The following GLB1 variants were observed in gnomAD, a reference collection of about 807,000 sequenced individuals.
The protein encoded by GLB1 is galactosidase beta 1.
Under a neutral mutation model 74.0 loss-of-function variants are expected in GLB1, and 56 were observed. That is an observed-to-expected ratio of 0.76 (90% CI 0.61 to 0.94). The LOEUF is 0.94. GLB1 is among the 40% of genes least tolerant of loss of function. GLB1 has a pLI of 0.00. For missense variants in GLB1, 787 were observed against 845.5 expected (o/e 0.93, Z 0.86); for synonymous variants, 323 against 323.6 (o/e 1.00, Z 0.02).
rs1189111274 is a variant in GLB1 at position 33,065,295 on chromosome 3, A to C, written c.552+168T>G. On this transcript the variant is annotated intron_variant, in intron 5 of 15. Transcript: ENST00000307363. ...GCCTGCCACATAGCAGGCATTCAAA[A>C]ATGGCAATGCCTTCCCAAATGCAAT... Among the ~76,000 whole-genome samples, 4 of 152,164 alleles carry C rather than the reference A, an allele frequency of 2.6e-5. No individual in the cohort carries two copies. In the East Asian group the frequency reaches 7.7e-4, roughly 29 times the overall value.
At position 32,997,422 on chromosome 3, in the gene GLB1, G is replaced by A. The variant is rs1455746880; in HGVS notation, c.1735-78C>T. The A allele has an allele frequency of 1.4e-5, 23 of 1,588,792 alleles. No individual in the cohort carries two copies. In the Admixed American group the frequency reaches 3.6e-4, roughly 25 times the overall value. On this transcript the variant is annotated intron_variant, in intron 15 of 15. Coordinates refer to ENST00000307363, the MANE Select transcript of GLB1 (RefSeq NM_000404.4). The stretch of plus-strand genomic sequence containing the variant: ...AGGAAGGTGGGGGCCCTGATGTAGG[G>A]CAGGCCAGCAGCAATGGAGGAAAGA...
At position 33,068,246 on chromosome 3, in the gene GLB1, G is replaced by T; in HGVS notation, c.441C>A (p.Leu147=). ...AWLLEKESIL[L]RSSDPDYLAA... ...ACAACCTACCTGGGTCGGAGGAGCG[G>T]AGAAGAATAGACTCTTTCTCTAGCA... The change falls in exon 4 of 16, where the codon CTC becomes CTA. Residue 147 remains leucine, a synonymous_variant. Transcript: ENST00000307363. The T allele has an allele frequency of 6.2e-7, 1 of 1,614,008 alleles. No homozygotes were observed. Among genetic ancestry groups the T allele is most frequent in the East Asian group, 2.2e-5 (1 of 44,874 alleles).
the GLB1 span, among the ~76,000 whole-genome samples, chr3:32,988,353 C>G: frequency 7.9e-5 from 12 of 152,050 alleles, no homozygotes; most frequent in African/African-American, 2.9e-4. Flanking sequence ...AGAGTTGGGA[C>G]CAACGTGTTG....
chr3:33,059,093 TGAA>T (rs1206260522), intron 5 of GLB1, among the ~76,000 whole-genome samples: 2 of 152,272 alleles, frequency 1.3e-5, no homozygotes, highest in East Asian at 3.9e-4. Context: ...AGCCCCACAA[TGAA>T]GAATTATCAG....
At chr3:33,050,876 T>C (rs1698946928) in intron 9 of GLB1, among the ~76,000 whole-genome samples, 1 of 152,222 alleles carries the variant, frequency 6.6e-6, no homozygotes, top group Non-Finnish European at 1.5e-5. Context: ...GACTGAAGCC[T>C]GCCCAACTAC....
At chr3:33,056,088 C>T (rs1389784404) in intron 6 of GLB1, among the ~76,000 whole-genome samples, 5 of 151,482 alleles carry the variant, frequency 3.3e-5, no homozygotes, top group Non-Finnish European at 5.9e-5. Context: ...ATTAGCCAGG[C>T]GTGGTGGCAG....
the GLB1 span, among the ~76,000 whole-genome samples, chr3:32,990,900 G>C: frequency 1.3e-5 from 2 of 152,136 alleles, no homozygotes; most frequent in South Asian, 4.1e-4. Flanking sequence ...CGTGAACCCG[G>C]GAGGTGGAGC....
Position 32,997,352 on chromosome 3 carries a change from G to C in GLB1, c.1735-8C>G, listed in dbSNP as rs772741040. 6 of 1,612,320 alleles carry C rather than the reference G, an allele frequency of 3.7e-6. No homozygotes were observed. The highest frequency in any genetic ancestry group is 4.2e-6 in the Non-Finnish European group (5 of 1,179,872). On this transcript the variant is annotated splice_region_variant and splice_polypyrimidine_tract_variant and intron_variant, in intron 15 of 15. Coordinates refer to ENST00000307363, the MANE Select transcript of GLB1 (RefSeq NM_000404.4). ...ATTAATCCAGACCTGGCCCTGGAGAGAGAGAGACAGAGAACCATCAACCCC... is the reference window on the plus strand; with the variant it reads ...ATTAATCCAGACCTGGCCCTGGAGACAGAGAGACAGAGAACCATCAACCCC...
chr3:32,974,350 G>A, the GLB1 span, among the ~76,000 whole-genome samples: 1 of 152,092 alleles, frequency 6.6e-6, no homozygotes, highest in East Asian at 1.9e-4. Context: ...CCAGGAAGGG[G>A]AAGAAGCTAA....
chr3:33,089,103 C>T (rs1700646432), intron 1 of GLB1, among the ~76,000 whole-genome samples: 1 of 152,138 alleles, frequency 6.6e-6, no homozygotes, highest in Admixed American at 6.5e-5. Flanking sequence ...AAGTTGGACC[C>T]TTATCTTATA....
intron 1 of GLB1, among the ~76,000 whole-genome samples, chr3:33,089,079 C>T (rs1700645561): frequency 6.6e-6 from 1 of 152,146 alleles, no homozygotes; most frequent in South Asian, 2.1e-4. Flanking sequence ...TGGATATTCA[C>T]AGGCAAGAGA....
At chr3:33,054,563 A>G (rs1370146105) in intron 6 of GLB1, among the ~76,000 whole-genome samples, 1 of 152,218 alleles carries the variant, frequency 6.6e-6, no homozygotes, top group Non-Finnish European at 1.5e-5. Flanking sequence ...TTACAGCCTC[A>G]ATAACACCAT....
intron 15 of GLB1, among the ~76,000 whole-genome samples, chr3:33,009,137 AT>A (rs1575405103): frequency 6.6e-6 from 1 of 150,806 alleles, no homozygotes; most frequent in East Asian, 1.9e-4. Flanking sequence ...AAATAAATAA[AT>A]AAATAAATAA....
intron 15 of GLB1, among the ~76,000 whole-genome samples, chr3:32,999,255 CA>C (rs1696445392): frequency 6.6e-6 from 1 of 152,196 alleles, no homozygotes; most frequent in East Asian, 1.9e-4. Context: ...TATACAATGA[CA>C]GCTTTAGCAG....
chr3:33,080,030 C>T (rs1398987101), intron 1 of GLB1, among the ~76,000 whole-genome samples: 2 of 151,954 alleles, frequency 1.3e-5, no homozygotes, highest in Non-Finnish European at 2.9e-5. Context: ...GCAATCCTCC[C>T]ACCTCACGAT....
intron 10 of GLB1, chr3:33,030,595 C>T (rs1697964445): frequency 5.1e-6 from 5 of 985,396 alleles, no homozygotes; most frequent in Non-Finnish European, 6.0e-6. Context: ...CCAGTGTAGA[C>T]AAATCCTGGA....
chr3:33,047,531 T>C (rs1240122146), intron 9 of GLB1, among the ~76,000 whole-genome samples: 1 of 152,244 alleles, frequency 6.6e-6, no homozygotes, highest in Non-Finnish European at 1.5e-5. Flanking sequence ...CTTCCTCCTC[T>C]ACTTCAGAGA....
Position 33,093,425 on chromosome 3 carries a change from C to T in GLB1, c.75+3586G>A, listed in dbSNP as rs368289263. 55 of 1,614,010 alleles carry T rather than the reference C, an allele frequency of 3.4e-5. No individual in the cohort carries two copies. The African/African-American group carries it at 4.0e-4, about 12-fold the overall frequency. On this transcript the variant is annotated intron_variant, in intron 1 of 15. Transcript: ENST00000307363. The surrounding 1 kb of genome is among the most constrained non-coding windows in gnomAD (Gnocchi z 6.0). ...GAAGCTGGCCCAGAGGAGCGACAGC[C>T]GTCCGCAGGACCGAGGCTTCTGAGT...
At chr3:33,031,933 G>A (rs1283376983) in intron 10 of GLB1, among the ~76,000 whole-genome samples, 1 of 151,892 alleles carries the variant, frequency 6.6e-6, no homozygotes, top group Non-Finnish European at 1.5e-5. Flanking sequence ...GAGTAGCTGG[G>A]ACTACAGGCA....
Sources: allele counts gnomAD v4.1 joint callset (sites outside exome capture counted in the v4.1 genomes callset), GRCh38; gene constraint gnomAD v4.1.1; non-coding constraint Gnocchi (gnomAD v3.1); transcripts MANE v1.5; gene names NCBI Gene and HGNC (gene_info 2026-07-23, HGNC 2026-07-21).